The following FAM110B variants were observed in gnomAD, a reference collection of about 807,000 sequenced individuals.
FAM110B encodes the protein family with sequence similarity 110 member B.
Under a neutral mutation model 20.4 loss-of-function variants are expected in FAM110B, and 6 were observed. The observed-to-expected ratio is 0.29, with a 90% confidence interval of 0.16 to 0.58. The LOEUF (loss-of-function observed/expected upper bound fraction) is 0.58, where lower values mean the gene tolerates loss of function less well. FAM110B is among the 20% of genes least tolerant of loss of function. The pLI, the probability that FAM110B is intolerant of heterozygous loss-of-function variation, is 0.90. For missense variants in FAM110B, 434 were observed against 498.2 expected (o/e 0.87, Z 1.23); for synonymous variants, 226 against 214.1 (o/e 1.06, Z -0.49).
chr8:58,040,732 A>G (rs1326219815), intron 2 of FAM110B, among the ~76,000 whole-genome samples: 1 of 152,198 alleles, frequency 6.6e-6, no homozygotes, highest in Non-Finnish European at 1.5e-5. Flanking sequence ...AGGTAAGTGG[A>G]AAGTAAATTA....
chr8:58,145,274 T>C (rs900287873), intron 3 of FAM110B, among the ~76,000 whole-genome samples: 3 of 152,018 alleles, frequency 2.0e-5, no homozygotes, highest in African/African-American at 7.2e-5. Flanking sequence ...AGTTTTTAAA[T>C]ATATTGGTTG....
intron 3 of FAM110B, among the ~76,000 whole-genome samples, chr8:58,082,839 T>TTTTTG: frequency 7.7e-6 from 1 of 130,086 alleles, no homozygotes; most frequent in African/African-American, 4.6e-5. Flanking sequence ...CCATTTTTGT[T>TTTTTG]TTTTTTTGTT....
chr8:58,073,614 A>G (rs1460750982), intron 2 of FAM110B, among the ~76,000 whole-genome samples: 1 of 152,232 alleles, frequency 6.6e-6, no homozygotes, highest in Admixed American at 6.5e-5. Flanking sequence ...TAACGTATCC[A>G]GAATTTAGAA....
At chr8:58,088,029 C>G (rs1240881299) in intron 3 of FAM110B, among the ~76,000 whole-genome samples, 1 of 152,122 alleles carries the variant, frequency 6.6e-6, no homozygotes, top group African/African-American at 2.4e-5. Flanking sequence ...GACCTCAACT[C>G]AATACCTGAT....
chr8:58,097,376 G>A (rs1251307327), intron 3 of FAM110B, among the ~76,000 whole-genome samples: 1 of 152,188 alleles, frequency 6.6e-6, no homozygotes, highest in Non-Finnish European at 1.5e-5. Context: ...TTGTCGTGCT[G>A]TGTTTTTCAG....
At chr8:57,998,065 A>C (rs1804219697) in intron 1 of FAM110B, among the ~76,000 whole-genome samples, 1 of 152,194 alleles carries the variant, frequency 6.6e-6, no homozygotes. Context: ...TTCAGGTTTG[A>C]TGTCAACAAA....
At chr8:58,021,595 G>A (rs1327432064) in intron 1 of FAM110B, among the ~76,000 whole-genome samples, 1 of 152,056 alleles carries the variant, frequency 6.6e-6, no homozygotes, top group Non-Finnish European at 1.5e-5. Context: ...ACAACCCAGA[G>A]TAACACTGAG....
At chr8:58,077,433 G>C (rs989903963) in intron 3 of FAM110B, among the ~76,000 whole-genome samples, 1 of 152,160 alleles carries the variant, frequency 6.6e-6, no homozygotes, top group Non-Finnish European at 1.5e-5. Flanking sequence ...GTGATGATCT[G>C]CTCACCAGGA....
In FAM110B at chr8:57,996,643, G is replaced by A. The variant is rs187198099; in HGVS notation, c.-512+1837G>A. ...GTCTTTAAGAGCCTAATTGTTTAAA[G>A]AGAGGCCTCCACATTAGGGAAGACC... On this transcript the variant is annotated intron_variant, in intron 1 of 3. Coordinates refer to ENST00000519262, the MANE Select transcript of FAM110B (RefSeq NM_001377989.1). Among the ~76,000 whole-genome samples, 724 of 152,298 alleles carry A rather than the reference G, an allele frequency of 4.8e-3. 6 individuals are homozygous for A. Among genetic ancestry groups the A allele is most frequent in the Middle Eastern group, 0.024 (7 of 294 alleles).
intron 3 of FAM110B, among the ~76,000 whole-genome samples, chr8:58,127,363 T>C (rs1210123954): frequency 6.6e-6 from 1 of 152,252 alleles, no homozygotes; most frequent in Non-Finnish European, 1.5e-5. Context: ...ATCTCAGAAC[T>C]GTTTTAGCTA....
At chr8:58,094,395 T>C (rs1189036542) in intron 3 of FAM110B, among the ~76,000 whole-genome samples, 1 of 152,196 alleles carries the variant, frequency 6.6e-6, no homozygotes, top group African/African-American at 2.4e-5. Context: ...TTGTCATAAA[T>C]AGCTCTTATT....
chr8:57,995,251 C>A (rs1447170132), intron 1 of FAM110B, among the ~76,000 whole-genome samples: 2 of 151,962 alleles, frequency 1.3e-5, no homozygotes, highest in African/African-American at 4.8e-5. Context: ...ATGGGGACTC[C>A]GCTCGGCCAC....
intron 2 of FAM110B, among the ~76,000 whole-genome samples, chr8:58,043,911 A>G (rs1805271613): frequency 6.6e-6 from 1 of 152,244 alleles, no homozygotes; most frequent in South Asian, 2.1e-4. Context: ...CTTGCATCCA[A>G]TCAGACTGAT....
At chr8:58,100,614 A>G (rs1208872106) in intron 3 of FAM110B, among the ~76,000 whole-genome samples, 1 of 152,130 alleles carries the variant, frequency 6.6e-6, no homozygotes, top group African/African-American at 2.4e-5. Context: ...TAAGAGTGTC[A>G]TCTCCATCTC....
chr8:58,064,649 G>C (rs1206047377), intron 2 of FAM110B, among the ~76,000 whole-genome samples: 3 of 152,170 alleles, frequency 2.0e-5, no homozygotes, highest in African/African-American at 7.2e-5. Context: ...CATCATCCAA[G>C]TGGGGAGAAT....
intron 3 of FAM110B, among the ~76,000 whole-genome samples, chr8:58,137,313 A>T (rs1163893857): frequency 6.6e-6 from 1 of 152,176 alleles, no homozygotes; most frequent in African/African-American, 2.4e-5. Flanking sequence ...TAATCCCAGC[A>T]CTTTGGGAGG....
At chr8:58,121,290 G>T (rs1479540405) in intron 3 of FAM110B, among the ~76,000 whole-genome samples, 1 of 152,130 alleles carries the variant, frequency 6.6e-6, no homozygotes, top group Non-Finnish European at 1.5e-5. Context: ...ACATAATAAT[G>T]CTTTTGATGT....
rs545129752 is a variant in FAM110B at position 57,995,141 on chromosome 8, G to A, written c.-512+335G>A. ...GGCACGGGGCCGGGGCTGGAGCCGG[G>A]GTTGGAGCCAGGGCGGGGGGAAGCT... On this transcript the variant is annotated intron_variant, in intron 1 of 3. Transcript: ENST00000519262. 2.0e-3 allele frequency among the ~76,000 whole-genome samples: 309 copies of A among 152,294 alleles called. 1 individual carries two copies. Among genetic ancestry groups the A allele is most frequent in the Middle Eastern group, 6.8e-3 (2 of 292 alleles).
intron 3 of FAM110B, among the ~76,000 whole-genome samples, chr8:58,132,169 T>G (rs983123968): frequency 6.6e-6 from 1 of 152,158 alleles, no homozygotes; most frequent in Non-Finnish European, 1.5e-5. Flanking sequence ...ATTGGGCCTA[T>G]TTTTTATATT....
Sources: allele counts gnomAD v4.1 joint callset (sites outside exome capture counted in the v4.1 genomes callset), GRCh38; gene constraint gnomAD v4.1.1; transcripts MANE v1.5; gene names NCBI Gene and HGNC (gene_info 2026-07-23, HGNC 2026-07-21).